The following PCDHGA7 variants were observed in gnomAD, a reference collection of about 807,000 sequenced individuals.
PCDHGA7 encodes protocadherin gamma-A7.
PCDHGA7 carries 44 observed loss-of-function variants against 58.3 expected under a neutral mutation model. That is an observed-to-expected ratio of 0.75 (90% CI 0.59 to 0.97). The LOEUF (loss-of-function observed/expected upper bound fraction) is 0.97. Among genes scored for constraint, PCDHGA7 ranks in the 50% least tolerant of loss-of-function variants. The pLI is 0.00. For synonymous variants in PCDHGA7, 516 were observed against 504.2 expected (o/e 1.02, Z -0.31); for missense variants, 1,266 against 1,188.7 (o/e 1.06, Z -0.96).
intron 1 of PCDHGA7, among the ~76,000 whole-genome samples, chr5:141,462,559 T>G (rs1035231534): frequency 6.6e-6 from 1 of 152,248 alleles, no homozygotes; most frequent in African/African-American, 2.4e-5. Flanking sequence ...CAGTGTTTAC[T>G]GTATTTGCTA....
chr5:141,477,992 G>T lies in PCDHGA7; in HGVS notation c.2425-16815G>T. The T allele has an allele frequency of 6.2e-7, 1 of 1,614,108 alleles. No individual in the cohort carries two copies. Among genetic ancestry groups the T allele is most frequent in the Non-Finnish European group, 8.5e-7 (1 of 1,180,024 alleles). On this transcript the variant is annotated intron_variant, in intron 1 of 3. Transcript: ENST00000518325. The surrounding 1 kb of genome is among the most constrained non-coding windows in gnomAD (Gnocchi z 4.9). Reference sequence around the variant, plus strand: ...CCTTTTTGCCATAGGGCTGCACACTGGTCAAATCAGTACTGCCCGTCCAGT... The same window carrying T: ...CCTTTTTGCCATAGGGCTGCACACTTGTCAAATCAGTACTGCCCGTCCAGT...
At position 141,487,939 on chromosome 5, in the gene PCDHGA7, C is replaced by A; in HGVS notation, c.2425-6868C>A. ...AGGCTACAGTGCACAGGGTACAGTG[C>A]ACCAGGCAGTCACTTGGACAAAGGT... On this transcript the variant is annotated intron_variant, in intron 1 of 3. Coordinates refer to ENST00000518325, the MANE Select transcript of PCDHGA7 (RefSeq NM_018920.4). The surrounding 1 kb of genome is among the most constrained non-coding windows in gnomAD (Gnocchi z 5.0). The A allele has an allele frequency of 1.7e-6, 1 of 600,512 alleles. No individual in the cohort carries two copies. Among genetic ancestry groups the A allele is most frequent in the Non-Finnish European group, 2.9e-6 (1 of 343,042 alleles). The allele number at this position is 600,512 out of a possible 1,614,324, so 37.2% of individuals were successfully genotyped here.
intron 2 of PCDHGA7, among the ~76,000 whole-genome samples, chr5:141,504,689 G>A (rs1395389800): frequency 6.6e-6 from 1 of 151,502 alleles, no homozygotes; most frequent in South Asian, 2.1e-4. Context: ...TAAAATAGGA[G>A]GGGCAGGTTC....
intron 1 of PCDHGA7, chr5:141,398,592 A>G: frequency 6.2e-7 from 1 of 1,614,068 alleles, no homozygotes; most frequent in South Asian, 1.1e-5. Flanking sequence ...TTATACTAGA[A>G]GTAGCAGAAG....
At chr5:141,452,951 G>A (rs1397204185) in intron 1 of PCDHGA7, among the ~76,000 whole-genome samples, 1 of 152,154 alleles carries the variant, frequency 6.6e-6, no homozygotes, top group Admixed American at 6.6e-5. Context: ...GCAATTGGTT[G>A]TCTTTAAACT....
chr5:141,454,489 C>T (rs1450435753), intron 1 of PCDHGA7, among the ~76,000 whole-genome samples: 1 of 152,222 alleles, frequency 6.6e-6, no homozygotes, highest in African/African-American at 2.4e-5. Flanking sequence ...TCACCGCAAC[C>T]TCCACCTCCT....
Position 141,432,701 on chromosome 5 carries a change from G to A in PCDHGA7, c.2424+47378G>A, listed in dbSNP as rs200101512. ...GCAGAGCCTCGTAGTGGCCGTCCAG[G>A]ACCACGGCCAGCCCCCTCTCTCCGC... On this transcript the variant is annotated intron_variant, in intron 1 of 3. Coordinates refer to ENST00000518325, the MANE Select transcript of PCDHGA7 (RefSeq NM_018920.4). This position sits in a 1 kb window ranked among gnomAD's most constrained non-coding sequence, Gnocchi z 6.0. The A allele has an allele frequency of 2.7e-5, 44 of 1,613,842 alleles. No homozygotes were observed. The Admixed American group carries it at 5.3e-4, about 20-fold the overall frequency.
chr5:141,457,273 G>A (rs746102734), intron 1 of PCDHGA7, among the ~76,000 whole-genome samples: 7 of 152,144 alleles, frequency 4.6e-5, no homozygotes, highest in Admixed American at 1.3e-4. Context: ...CCCTCTGTGG[G>A]CCTACGAAGT....
Position 141,511,319 on chromosome 5 carries a change from C to A in PCDHGA7, c.*146C>A. On this transcript the variant is annotated 3_prime_UTR_variant, in exon 4 of 4. Coordinates refer to ENST00000518325, the MANE Select transcript of PCDHGA7 (RefSeq NM_018920.4). ...CCATGCTCCCCTTGGGAAACAGAAA[C>A]AAGTGCCCAGTCAGCACCTACCCCT... is the stretch of plus-strand genomic sequence containing the variant. 6.8e-7 allele frequency: 1 copy of A among 1,477,420 alleles called. No homozygotes were observed. The highest frequency in any genetic ancestry group is 9.0e-7 in the Non-Finnish European group (1 of 1,108,340). 91.5% of individuals were successfully genotyped at this position (1,477,420 alleles called of 1,614,324 possible).
At position 141,490,874 on chromosome 5, in the gene PCDHGA7, A is replaced by T. The variant is rs368927472; in HGVS notation, c.2425-3933A>T. 2 of 1,613,948 alleles carry T rather than the reference A, an allele frequency of 1.2e-6. No homozygotes were observed. Among genetic ancestry groups the T allele is most frequent in the Non-Finnish European group, 1.7e-6 (2 of 1,179,952 alleles). On this transcript the variant is annotated intron_variant, in intron 1 of 3. Transcript: ENST00000518325. The surrounding 1 kb of genome is among the most constrained non-coding windows in gnomAD (Gnocchi z 5.4). The stretch of plus-strand genomic sequence containing the variant: ...CGAGACTCCGGCTCTCCCCCATTGC[A>T]TGCCAACACATCTCTGCATGTGTTT...
rs148331367 is a variant in PCDHGA7 at position 141,435,055 on chromosome 5, A to C, written c.2424+49732A>C. ...TTTATTTTTTTCCCATTGACCATGC[A>C]GCAGTTTTGTGTAGACCGTCTGATA... On this transcript the variant is annotated intron_variant, in intron 1 of 3. Transcript: ENST00000518325. Among the ~76,000 whole-genome samples, 21 of 152,242 alleles carry C rather than the reference A, an allele frequency of 1.4e-4. No individual in the cohort carries two copies. The East Asian group carries it at 4.0e-3, about 29-fold the overall frequency.
intron 1 of PCDHGA7, chr5:141,411,436 T>C (rs2095489663): frequency 6.7e-6 from 1 of 149,586 alleles, no homozygotes; most frequent in South Asian, 2.1e-4. Flanking sequence ...AAAAAAACAT[T>C]AGCAGAGTGT....
At chr5:141,422,375 TCTC>T in intron 1 of PCDHGA7, 1 of 1,570,814 alleles carries the variant, frequency 6.4e-7, no homozygotes, top group Non-Finnish European at 8.6e-7. Context: ...AATGGTCAAG[TCTC>T]CTGTTTTATT....
At position 141,389,973 on chromosome 5, in the gene PCDHGA7, A is replaced by C. The variant is rs375422602; in HGVS notation, c.2424+4650A>C. On this transcript the variant is annotated intron_variant, in intron 1 of 3. Coordinates refer to ENST00000518325, the MANE Select transcript of PCDHGA7 (RefSeq NM_018920.4). Reference sequence around the variant, plus strand: ...TTACCTAGTGGTGGCCTTGGCCTTGATCTCAGTGCTCTTCCTCGTGGCCAT... The same window carrying C: ...TTACCTAGTGGTGGCCTTGGCCTTGCTCTCAGTGCTCTTCCTCGTGGCCAT... 82 of 1,613,684 alleles carry C rather than the reference A, an allele frequency of 5.1e-5. No homozygotes were observed. The highest frequency in any genetic ancestry group is 6.5e-5 in the Non-Finnish European group (77 of 1,179,850).
chr5:141,401,060 T>A (rs1395651829), intron 1 of PCDHGA7, among the ~76,000 whole-genome samples: 3 of 152,216 alleles, frequency 2.0e-5, no homozygotes, highest in Non-Finnish European at 4.4e-5. Flanking sequence ...ATACTATATG[T>A]TGGCTGGGTG....
chr5:141,441,838 C>A, intron 1 of PCDHGA7: 1 of 355,582 alleles, frequency 2.8e-6, no homozygotes, highest in Non-Finnish European at 5.5e-6. Context: ...TGGCTTCGCG[C>A]TCTTGGATAT....
rs186109113 is a variant in PCDHGA7, at chr5:141,415,284, G to C, written c.2424+29961G>C. ...TGTACCTGGTGGTAGCGGTGGCCGCGGTCTCCTGCGTCTTCCTGGCCTTCG... is the reference window on the plus strand; with the variant it reads ...TGTACCTGGTGGTAGCGGTGGCCGCCGTCTCCTGCGTCTTCCTGGCCTTCG... On this transcript the variant is annotated intron_variant, in intron 1 of 3. Transcript: ENST00000518325. 4,314 of 1,614,198 alleles carry C rather than the reference G, an allele frequency of 2.7e-3. 11 individuals are homozygous for C. The highest frequency in any genetic ancestry group is 7.3e-3 in the Middle Eastern group (44 of 6,062).
intron 1 of PCDHGA7, among the ~76,000 whole-genome samples, chr5:141,472,213 C>T (rs1294676431): frequency 2.0e-5 from 3 of 152,178 alleles, no homozygotes; most frequent in African/African-American, 7.2e-5. Flanking sequence ...TAAGACCTTA[C>T]TCTCGATCAT....
At chr5:141,400,052 T>C in intron 1 of PCDHGA7, 1 of 1,613,686 alleles carries the variant, frequency 6.2e-7, no homozygotes, top group Non-Finnish European at 8.5e-7. Context: ...CTGGTTGCTG[T>C]GCGTGATGGT....
Sources: allele counts gnomAD v4.1 joint callset (sites outside exome capture counted in the v4.1 genomes callset), GRCh38; gene constraint gnomAD v4.1.1; non-coding constraint Gnocchi (gnomAD v3.1); transcripts MANE v1.5; gene names NCBI Gene and HGNC (gene_info 2026-07-23, HGNC 2026-07-21).